The following AP3B1 variants were observed in gnomAD, a reference collection of about 807,000 sequenced individuals.
AP3B1 encodes the protein adaptor related protein complex 3 subunit beta 1, also known as AP-3 complex subunit beta-1.
In AP3B1, 61 loss-of-function variants were observed where a neutral mutation model predicts 132.5. That is an observed-to-expected ratio of 0.46 (90% CI 0.37 to 0.57). AP3B1 has a LOEUF of 0.57. AP3B1 is among the 20% of genes least tolerant of loss of function. AP3B1 has a pLI of 0.00. For missense variants in AP3B1, 1,120 were observed against 1,289.4 expected (o/e 0.87, Z 2.01); for synonymous variants, 388 against 438.3 (o/e 0.89, Z 1.43).
intron 21 of AP3B1, among the ~76,000 whole-genome samples, chr5:78,096,439 T>C (rs1376517623): frequency 1.3e-5 from 2 of 151,560 alleles, no homozygotes; most frequent in Non-Finnish European, 2.9e-5. Context: ...CCACCCCGTC[T>C]AGGAAGTGAG....
intron 2 of AP3B1, among the ~76,000 whole-genome samples, chr5:78,263,382 A>G (rs147273238): frequency 1.6e-3 from 249 of 152,306 alleles, no homozygotes; most frequent in African/African-American, 5.9e-3. Context: ...AAACTTGCGT[A>G]TTGGTTCTAA....
chr5:78,021,265 C>T (rs1435493474), intron 24 of AP3B1, among the ~76,000 whole-genome samples: 1 of 151,796 alleles, frequency 6.6e-6, no homozygotes, highest in African/African-American at 2.4e-5. Flanking sequence ...TAGATAGGTG[C>T]TAATAAAGTA....
intron 22 of AP3B1, among the ~76,000 whole-genome samples, chr5:78,068,307 G>A (rs1749379522): frequency 6.6e-6 from 1 of 151,488 alleles, no homozygotes; most frequent in African/African-American, 2.4e-5. Context: ...TGGGCAACAA[G>A]GGCAAAATTC....
At chr5:78,189,093 A>G (rs968843287) in intron 7 of AP3B1, among the ~76,000 whole-genome samples, 1 of 152,140 alleles carries the variant, frequency 6.6e-6, no homozygotes. Flanking sequence ...TAGTGGGGAG[A>G]GCATTAGGGA....
At chr5:78,087,906 T>G (rs1750333992) in intron 22 of AP3B1, among the ~76,000 whole-genome samples, 1 of 152,216 alleles carries the variant, frequency 6.6e-6, no homozygotes, top group East Asian at 1.9e-4. Flanking sequence ...TTCTAAGAGC[T>G]TTGCATATAT....
rs555587777 is a variant in AP3B1, at chr5:78,105,551, A to T, written c.2398-4526T>A. ...GAATTTTCTCTCCACTGTTTCATAT[A>T]AAAAAAAATTTCCCCTTTACATTGT... On this transcript the variant is annotated intron_variant, in intron 20 of 26. Coordinates refer to ENST00000255194, the MANE Select transcript of AP3B1 (RefSeq NM_003664.5). Among the ~76,000 whole-genome samples the T allele has an allele frequency of 2.4e-3, 209 of 88,112 alleles. 1 individual carries two copies. The highest frequency in any genetic ancestry group is 9.3e-3 in the African/African-American group (202 of 21,680). 57.8% of individuals were successfully genotyped at this position (88,112 alleles called of 152,430 possible).
chr5:78,141,373 T>A, intron 14 of AP3B1, 54 bp from the exon 15 acceptor site: 1 of 1,436,224 alleles, frequency 7.0e-7, no homozygotes, highest in Middle Eastern at 1.8e-4. Context: ...TACTCTAATA[T>A]TAACATAGAA....
intron 22 of AP3B1, among the ~76,000 whole-genome samples, chr5:78,084,827 A>T (rs922626389): frequency 1.2e-4 from 18 of 152,088 alleles, no homozygotes; most frequent in Admixed American, 8.5e-4. Flanking sequence ...CTTGTATTTG[A>T]AAACAGTACA....
At chr5:78,021,194 GATATCTTTTTAAAAAT>G (rs1443689643) in intron 24 of AP3B1, among the ~76,000 whole-genome samples, 4 of 151,922 alleles carry the variant, frequency 2.6e-5, no homozygotes, top group South Asian at 2.1e-4. Flanking sequence ...AAACAGTTAA[GATATCTTTTTAAAAAT>G]ATTAGTTTTA....
intron 8 of AP3B1, 113 bp downstream of exon 8, chr5:78,181,394 T>C (rs1003115201): frequency 2.0e-6 from 2 of 1,001,890 alleles, no homozygotes; most frequent in African/African-American, 3.2e-5. Flanking sequence ...ATTTGGTGTG[T>C]AAACAAACAA....
intron 2 of AP3B1, among the ~76,000 whole-genome samples, chr5:78,248,055 C>A (rs1280668576): frequency 6.6e-6 from 1 of 152,152 alleles, no homozygotes; most frequent in Non-Finnish European, 1.5e-5. Flanking sequence ...TTAAATGAAT[C>A]TCCTTTGTGC....
rs1746236720 is a variant in AP3B1 at position 78,002,744 on chromosome 5, A to G, written c.*158T>C. 7.0e-6 allele frequency: 6 copies of G among 854,046 alleles called. No individual in the cohort carries two copies. In the Admixed American group the frequency reaches 1.1e-4, roughly 16 times the overall value. The allele number at this position is 854,046 out of a possible 1,614,324, so 52.9% of individuals were successfully genotyped here. On this transcript the variant is annotated 3_prime_UTR_variant, in exon 27 of 27. Transcript: ENST00000255194. ...GGGGAAAGTATTGCATACATGATAGATACACACTAGCATTCTAAAGCAGGA... is the reference window on the plus strand; with the variant it reads ...GGGGAAAGTATTGCATACATGATAGGTACACACTAGCATTCTAAAGCAGGA...
chr5:78,061,391 T>C (rs115337299), intron 22 of AP3B1, among the ~76,000 whole-genome samples: 311 of 152,308 alleles, frequency 2.0e-3, no homozygotes, highest in African/African-American at 6.9e-3. Context: ...CAGGTTCTAG[T>C]AAATAAAGCT....
At chr5:78,208,284 C>T (rs529299811) in intron 7 of AP3B1, among the ~76,000 whole-genome samples, 1 of 152,266 alleles carries the variant, frequency 6.6e-6, no homozygotes, top group South Asian at 2.1e-4. Context: ...ACTTGATATA[C>T]TTGACAACTG....
rs1402729961 is a variant in AP3B1 at position 78,263,506 on chromosome 5, G to A, written c.204+4014C>T. Among the ~76,000 whole-genome samples, 21 of 152,144 alleles carry A rather than the reference G, an allele frequency of 1.4e-4. No individual in the cohort carries two copies. The East Asian group carries it at 4.1e-3, about 29-fold the overall frequency. On this transcript the variant is annotated intron_variant, in intron 2 of 26. Coordinates refer to ENST00000255194, the MANE Select transcript of AP3B1 (RefSeq NM_003664.5). Reference sequence around the variant, plus strand: ...TTTTATTTCTTTTTCTTGCATGATTGTTCTGGCTAAAATTTCCAATACTGT... The same window carrying A: ...TTTTATTTCTTTTTCTTGCATGATTATTCTGGCTAAAATTTCCAATACTGT...
chr5:78,232,501 A>G (rs1172336631), intron 3 of AP3B1, among the ~76,000 whole-genome samples: 1 of 152,242 alleles, frequency 6.6e-6, no homozygotes, highest in South Asian at 2.1e-4. Flanking sequence ...AAGTCCATCA[A>G]TCCCTGAAGA....
chr5:78,174,452 G>A (rs1198626348), intron 11 of AP3B1, among the ~76,000 whole-genome samples: 3 of 152,208 alleles, frequency 2.0e-5, no homozygotes, highest in Non-Finnish European at 4.4e-5. Context: ...TTCGTCAGCT[G>A]CAGGTCTGTT....
intron 1 of AP3B1, among the ~76,000 whole-genome samples, chr5:78,273,028 T>C (rs985656062): frequency 1.3e-5 from 2 of 152,132 alleles, no homozygotes; most frequent in East Asian, 1.9e-4. Flanking sequence ...TATACACACA[T>C]ATATGTATGC....
chr5:78,227,972 T>C (rs1402122082), intron 4 of AP3B1, among the ~76,000 whole-genome samples, 172 bp downstream of exon 4: 1 of 152,152 alleles, frequency 6.6e-6, no homozygotes, highest in Non-Finnish European at 1.5e-5. Flanking sequence ...AAGGTTTCAG[T>C]TGGTTGTATA....
Sources: gnomAD v4.1 joint callset for allele counts (sites outside exome capture counted in the v4.1 genomes callset) on GRCh38, gnomAD v4.1.1 for gene constraint, MANE v1.5 for transcripts, NCBI Gene and HGNC (gene_info 2026-07-23, HGNC 2026-07-21) for gene names.